Variants in TRMT44 observed in about 807,000 individuals in gnomAD.
TRMT44 encodes the protein probable tRNA (uracil-O(2)-)-methyltransferase.
TRMT44 carries 78 observed loss-of-function variants against 77.3 expected under a neutral mutation model. The ratio of observed to expected loss-of-function variants is 1.01; its 90% confidence interval spans 0.84 to 1.22. TRMT44 has a LOEUF of 1.22. Among genes scored for constraint, TRMT44 ranks in the 50% most tolerant of loss-of-function variants. The pLI, the probability that TRMT44 is intolerant of heterozygous loss-of-function variation, is 0.00. For missense variants in TRMT44, 1,090 were observed against 964.4 expected, an observed-to-expected ratio of 1.13 and a Z score of -1.73; for synonymous variants, 391 against 383.3, an observed-to-expected ratio of 1.02 and a Z score of -0.23.
At chr4:8,470,954 A>G in intron 9 of TRMT44, 130 bp from the exon 10 acceptor site, 1 of 654,222 alleles carries the variant, frequency 1.5e-6, no homozygotes, top group South Asian at 1.9e-5. Flanking sequence ...GTGAGATGGA[A>G]TCGTCCTTCG....
chr4:8,484,268 G>A (rs188374395), intron 2 of TRMT44, among the ~76,000 whole-genome samples: 4 of 152,144 alleles, frequency 2.6e-5, no homozygotes, highest in Admixed American at 6.5e-5. Flanking sequence ...TGTGGTATCC[G>A]GAATAATGTG....
chr4:8,495,435 G>T (rs12511591), downstream of TRMT44, among the ~76,000 whole-genome samples: 3,298 of 152,260 alleles, frequency 0.022, 58 homozygotes, highest in African/African-American at 0.05. Flanking sequence ...AGTCTGGGGG[G>T]CATGCCTTTG....
At chr4:8,460,674 CT>C (rs1389070031) in intron 6 of TRMT44, among the ~76,000 whole-genome samples, 33 of 151,862 alleles carry the variant, frequency 2.2e-4, no homozygotes, top group Admixed American at 6.6e-4. Flanking sequence ...GTGCCTCAAC[CT>C]CCCGGGTAGC....
intron 1 of TRMT44, among the ~76,000 whole-genome samples, chr4:8,445,121 A>G (rs1458041760): frequency 6.6e-6 from 1 of 152,192 alleles, no homozygotes; most frequent in Admixed American, 6.5e-5. Context: ...GGATGGTGAA[A>G]ATAATACTGG....
At chr4:8,465,683 C>T (rs1579070225) in intron 8 of TRMT44, 122 bp downstream of exon 8, 1 of 881,430 alleles carries the variant, frequency 1.1e-6, no homozygotes, top group Non-Finnish European at 1.7e-6. Context: ...CGTGCCGGTG[C>T]TGATTTCTGT....
chr4:8,499,263 C>T, the TRMT44 span, among the ~76,000 whole-genome samples: 7 of 152,136 alleles, frequency 4.6e-5, no homozygotes, highest in Non-Finnish European at 7.3e-5. Flanking sequence ...TGCTGAGACA[C>T]TTGCCCCATC....
chr4:8,442,428 C>G (rs1379409796), intron 1 of TRMT44, among the ~76,000 whole-genome samples: 1 of 152,232 alleles, frequency 6.6e-6, no homozygotes, highest in Non-Finnish European at 1.5e-5. Flanking sequence ...CTCAGCCACT[C>G]TTACCTGAAA....
intron 9 of TRMT44, chr4:8,470,793 A>G: frequency 8.4e-6 from 2 of 238,882 alleles, no homozygotes. Flanking sequence ...GAAGAGCTTG[A>G]GGTGACCACC....
At chr4:8,504,229 C>T in the TRMT44 span, among the ~76,000 whole-genome samples, 1 of 152,196 alleles carries the variant, frequency 6.6e-6, no homozygotes, top group South Asian at 2.1e-4. This position sits in a 1 kb window ranked among gnomAD's most constrained non-coding sequence, Gnocchi z 5.3. Flanking sequence ...CATGTCCCCA[C>T]CTCCTCGGCT....
chr4:8,483,353 A>G (rs1197824860), intron 2 of TRMT44, among the ~76,000 whole-genome samples: 1 of 152,098 alleles, frequency 6.6e-6, no homozygotes, highest in African/African-American at 2.4e-5. Flanking sequence ...GGCATGTATG[A>G]GTAGTTGAGA....
Position 8,449,714 on chromosome 4 carries a change from T to A in TRMT44, c.780T>A (p.Asp260Glu), listed in dbSNP as rs1725301380. ...LIFCPERWHS[D>E]GIVYPKPTWL... ...TCTGTCCAGAAAGATGGCATTCAGA[T>A]GGAATCGTGTATCCCAAACCCACGT... is the stretch of plus-strand genomic sequence containing the variant. The change falls in exon 3 of 11, where the codon GAT becomes GAA. Residue 260 changes from aspartate to glutamate, a missense_variant. Physicochemically the swap from Asp to Glu is conservative, Grantham distance 45 (BLOSUM62 2). Coordinates refer to ENST00000389737, the MANE Select transcript of TRMT44 (RefSeq NM_152544.3). The A allele has an allele frequency of 6.5e-7, 1 of 1,535,984 alleles. No individual in the cohort carries two copies. Among genetic ancestry groups the A allele is most frequent in the Non-Finnish European group, 8.7e-7 (1 of 1,146,908 alleles).
intron 10 of TRMT44, among the ~76,000 whole-genome samples, chr4:8,472,511 T>A (rs982226285): frequency 6.6e-6 from 1 of 152,220 alleles, no homozygotes; most frequent in Non-Finnish European, 1.5e-5. Context: ...TCTGGGTGTG[T>A]GAGAGAGCAC....
chr4:8,516,719 A>G, the TRMT44 span, among the ~76,000 whole-genome samples: 52,062 of 152,080 alleles, frequency 0.34, 8,869 homozygotes, highest in South Asian at 0.46. Context: ...TTGAAGCTGC[A>G]GTCAGCCAAG....
chr4:8,504,349 G>A, the TRMT44 span, among the ~76,000 whole-genome samples: 1 of 152,082 alleles, frequency 6.6e-6, no homozygotes, highest in African/African-American at 2.4e-5. The surrounding 1 kb of genome is among the most constrained non-coding windows in gnomAD (Gnocchi z 5.3). Context: ...TCCCCGCCAG[G>A]TACCCGCGCC....
rs1363615659 is a variant in TRMT44 at position 8,463,972 on chromosome 4, G to C, written c.1204-13G>C. On this transcript the variant is annotated splice_polypyrimidine_tract_variant and intron_variant, in intron 6 of 10. Coordinates refer to ENST00000389737, the MANE Select transcript of TRMT44 (RefSeq NM_152544.3). ...TTCACAAAACATTTCGTCTTGTTTT[G>C]TTATTCCTTTAGGAAGATGCAATCA... The C allele has an allele frequency of 2.5e-6, 4 of 1,608,396 alleles. No homozygotes were observed. The highest frequency in any genetic ancestry group is 2.6e-6 in the Non-Finnish European group (3 of 1,175,318).
chr4:8,496,216 A>G (rs957775325), downstream of TRMT44, among the ~76,000 whole-genome samples: 9 of 152,258 alleles, frequency 5.9e-5, no homozygotes, highest in African/African-American at 2.2e-4. Flanking sequence ...CACTTGCTCA[A>G]CCCTGCTCCC....
downstream of TRMT44, among the ~76,000 whole-genome samples, chr4:8,495,077 C>T (rs1728112661): frequency 6.6e-6 from 1 of 152,234 alleles, no homozygotes; most frequent in African/African-American, 2.4e-5. Flanking sequence ...TTTGGAACCA[C>T]CTGACTTGTC....
chr4:8,494,857 G>A (rs1398342461), downstream of TRMT44, among the ~76,000 whole-genome samples: 1 of 152,154 alleles, frequency 6.6e-6, no homozygotes, highest in Middle Eastern at 3.2e-3. Flanking sequence ...TGGGAGGCAG[G>A]TTGCCTGATG....
In TRMT44 at chr4:8,471,218, C is replaced by T. The variant is rs780796729; in HGVS notation, c.2044+18C>T. The T allele has an allele frequency of 2.0e-6, 3 of 1,486,744 alleles. No individual in the cohort carries two copies. The highest frequency in any genetic ancestry group is 2.1e-5 in the Admixed American group (1 of 47,828). The allele number at this position is 1,486,744 out of a possible 1,614,324, so 92.1% of individuals were successfully genotyped here. On this transcript the variant is annotated intron_variant, in intron 10 of 10. Transcript: ENST00000389737. The stretch of plus-strand genomic sequence containing the variant: ...GTTCCAAGGTACGGAGTCCGCCTCT[C>T]CCCCGCCGTTCTTTCCTTCTTTTTC...
Sources: gnomAD v4.1 joint callset for allele counts (sites outside exome capture counted in the v4.1 genomes callset) on GRCh38, gnomAD v4.1.1 for gene constraint, Gnocchi (gnomAD v3.1) non-coding constraint, MANE v1.5 for transcripts, NCBI Gene and HGNC (gene_info 2026-07-23, HGNC 2026-07-21) for gene names.